RAP1B: variants seen among roughly 807,000 people sequenced by gnomAD.
RAP1B encodes the protein ras-related protein Rap-1b.
A neutral mutation model predicts 27.5 loss-of-function variants in RAP1B; 1 was observed. That is an observed-to-expected ratio of 0.04 (90% CI 0.01 to 0.17). The LOEUF (loss-of-function observed/expected upper bound fraction) is 0.17. Ranked by LOEUF, RAP1B falls within the 10% of genes least tolerant of loss-of-function variation. The pLI, the probability that RAP1B is intolerant of heterozygous loss-of-function variation, is 1.00. For missense variants in RAP1B, 84 were observed against 214.8 expected (o/e 0.39, Z 3.81); for synonymous variants, 75 against 73.1 (o/e 1.03, Z -0.13).
At chr12:68,618,042 C>T (rs1024468759) in intron 1 of RAP1B, among the ~76,000 whole-genome samples, 3 of 146,292 alleles carry the variant, frequency 2.1e-5, no homozygotes, top group African/African-American at 7.5e-5. Context: ...GGATTACAGG[C>T]ATGAGCCACC....
At chr12:68,657,355 G>C in intron 7 of RAP1B, 138 bp downstream of exon 7, 1 of 549,932 alleles carries the variant, frequency 1.8e-6, no homozygotes, top group South Asian at 2.7e-5. Context: ...CCATGAGTTA[G>C]TATGCTATCT....
intron 1 of RAP1B, among the ~76,000 whole-genome samples, chr12:68,641,956 A>C (rs192775933): frequency 6.6e-6 from 1 of 152,326 alleles, no homozygotes; most frequent in East Asian, 1.9e-4. Context: ...GTATGTGCCT[A>C]CATGATGTAG....
At chr12:68,613,664 T>A (rs1010179782) in intron 1 of RAP1B, among the ~76,000 whole-genome samples, 3 of 152,234 alleles carry the variant, frequency 2.0e-5, no homozygotes, top group African/African-American at 7.2e-5. Context: ...GGTAGGGACT[T>A]AATCCATTTC....
chr12:68,613,842 T>C (rs118001979), intron 1 of RAP1B, among the ~76,000 whole-genome samples: 2,502 of 152,364 alleles, frequency 0.016, 36 homozygotes, highest in Non-Finnish European at 0.026. Context: ...CATTTACATA[T>C]TGGCTTTGGA....
At chr12:68,657,943 C>G (rs1024933503) in intron 7 of RAP1B, among the ~76,000 whole-genome samples, 1 of 151,602 alleles carries the variant, frequency 6.6e-6, no homozygotes, top group African/African-American at 2.4e-5. Flanking sequence ...CTTTTAAGTT[C>G]CAGGATACAT....
intron 3 of RAP1B, chr12:68,651,702 A>T (rs905304742): frequency 3.7e-5 from 12 of 325,782 alleles, no homozygotes; most frequent in South Asian, 1.2e-4. Flanking sequence ...TTTCGAAACT[A>T]TTTTTTTCTC....
intron 1 of RAP1B, among the ~76,000 whole-genome samples, chr12:68,637,922 C>CT (rs1005619471): frequency 2.6e-5 from 4 of 151,552 alleles, no homozygotes; most frequent in African/African-American, 4.8e-5. Flanking sequence ...AATATGGGTC[C>CT]TTTTTTTTAA....
intron 1 of RAP1B, among the ~76,000 whole-genome samples, chr12:68,622,977 C>T (rs1279829372): frequency 1.3e-5 from 2 of 152,210 alleles, no homozygotes; most frequent in African/African-American, 4.8e-5. Flanking sequence ...CTGGGATTTA[C>T]AGGCGTGAGC....
At position 68,671,200 on chromosome 12, in the gene RAP1B, A is replaced by G. The variant is rs1354872281; in HGVS notation, c.*11951A>G. 6.6e-6 allele frequency: 1 copy of G among 152,198 alleles called. No individual in the cohort carries two copies. The highest frequency in any genetic ancestry group is 2.4e-5 in the African/African-American group (1 of 41,448). 9.4% of individuals were successfully genotyped at this position (152,198 alleles called of 1,614,324 possible). ...TACCAACGAGCCCAACACATGGACG[A>G]AAACTTCAGAGAACACTACAGTCCC... is the stretch of plus-strand genomic sequence containing the variant. On this transcript the variant is annotated 3_prime_UTR_variant, in exon 8 of 8. Coordinates refer to ENST00000250559, the MANE Select transcript of RAP1B (RefSeq NM_001010942.3).
At chr12:68,653,997 A>G in intron 4 of RAP1B, 115 bp from the exon 5 acceptor site, 1 of 892,682 alleles carries the variant, frequency 1.1e-6, no homozygotes. Context: ...TAATTTTAAC[A>G]AAGTTACATA....
intron 4 of RAP1B, among the ~76,000 whole-genome samples, chr12:68,653,453 C>G (rs1033485470): frequency 6.7e-6 from 1 of 149,520 alleles, no homozygotes. Flanking sequence ...TGGAGCCCTA[C>G]AGAACTACAG....
In RAP1B at chr12:68,665,767, A is replaced by G. The variant is rs1005360848; in HGVS notation, c.*6518A>G. On this transcript the variant is annotated 3_prime_UTR_variant, in exon 8 of 8. Transcript: ENST00000250559. ...TTGGAAATACCATCCTCTAATTAGTACCAGGTCTATGTATATCTGCAGCAA... is the reference window on the plus strand; with the variant it reads ...TTGGAAATACCATCCTCTAATTAGTGCCAGGTCTATGTATATCTGCAGCAA... 2.6e-5 allele frequency: 4 copies of G among 152,170 alleles called. No individual in the cohort carries two copies. Among genetic ancestry groups the G allele is most frequent in the Non-Finnish European group, 4.4e-5 (3 of 68,034 alleles). 9.4% of individuals were successfully genotyped at this position (152,170 alleles called of 1,614,324 possible).
At chr12:68,648,486 A>G (rs965962001) in intron 1 of RAP1B, among the ~76,000 whole-genome samples, 2 of 152,172 alleles carry the variant, frequency 1.3e-5, no homozygotes, top group Non-Finnish European at 2.9e-5. Flanking sequence ...CCTGTGCTCT[A>G]TCCTGGATCG....
intron 1 of RAP1B, 163 bp from the exon 2 acceptor site, chr12:68,648,536 C>T: frequency 3.4e-6 from 2 of 588,796 alleles, no homozygotes; most frequent in Non-Finnish European, 5.8e-6. Flanking sequence ...TTTTCTTCTA[C>T]CTCTGAGCAT....
intron 1 of RAP1B, among the ~76,000 whole-genome samples, chr12:68,640,772 T>C (rs994921093): frequency 3.3e-5 from 5 of 152,184 alleles, no homozygotes; most frequent in Non-Finnish European, 7.4e-5. Flanking sequence ...TCCAGAATGT[T>C]GGATAATTAA....
At chr12:68,656,995 G>A (rs1874252128) in intron 6 of RAP1B, 106 bp from the exon 7 acceptor site, 1 of 931,810 alleles carries the variant, frequency 1.1e-6, no homozygotes. Flanking sequence ...AACAATTCTG[G>A]GCATTAATTT....
At position 68,639,294 on chromosome 12, in the gene RAP1B, C is replaced by A. The variant is rs920852638; in HGVS notation, c.-26-9405C>A. On this transcript the variant is annotated intron_variant, in intron 1 of 7. Transcript: ENST00000250559. ...AAGTCATCTGAGTGTTCAGTATTTCCCCTTTCCCTCATTCCATCTTTTTGT... is the reference window on the plus strand; with the variant it reads ...AAGTCATCTGAGTGTTCAGTATTTCACCTTTCCCTCATTCCATCTTTTTGT... 2.0e-5 allele frequency among the ~76,000 whole-genome samples: 3 copies of A among 152,074 alleles called. No homozygotes were observed. The South Asian group carries it at 6.2e-4, about 31-fold the overall frequency.
rs1592462550 is a variant in RAP1B, at chr12:68,650,594, A to G, written c.126+126A>G. The G allele has an allele frequency of 7.7e-6, 7 of 908,528 alleles. No homozygotes were observed. In the South Asian group the frequency reaches 1.4e-4, roughly 18 times the overall value. The allele number at this position is 908,528 out of a possible 1,614,324, so 56.3% of individuals were successfully genotyped here. On this transcript the variant is annotated intron_variant, in intron 3 of 7. Transcript: ENST00000250559. ...GTTAATTTATAAAATTAGTGGGAAA[A>G]GTTTACACTTTCTGGCATTGCATAG...
intron 1 of RAP1B, among the ~76,000 whole-genome samples, chr12:68,613,208 A>G (rs1870732685): frequency 6.6e-6 from 1 of 151,922 alleles, no homozygotes; most frequent in South Asian, 2.1e-4. Context: ...AAAAATACAA[A>G]ACATAGCCGG....
Sources: gnomAD v4.1 joint callset for allele counts (sites outside exome capture counted in the v4.1 genomes callset) on GRCh38, gnomAD v4.1.1 for gene constraint, MANE v1.5 for transcripts, NCBI Gene and HGNC (gene_info 2026-07-23, HGNC 2026-07-21) for gene names.